Variants in IQCM observed in about 807,000 individuals in gnomAD.
IQCM encodes the protein IQ domain-containing protein M.
IQCM carries 45 observed loss-of-function variants against 57.6 expected under a neutral mutation model. The observed-to-expected ratio is 0.78, with a 90% CI of 0.62 to 1.00. The LOEUF is 1.00. IQCM is among the 50% of genes least tolerant of loss of function. IQCM has a pLI of 0.00. For synonymous variants in IQCM, 148 were observed against 158.9 expected (o/e 0.93, Z 0.51); for missense variants, 468 against 511.6 (o/e 0.91, Z 0.82).
At chr4:149,594,338 C>A (rs1056117172) in intron 8 of IQCM, among the ~76,000 whole-genome samples, 9 of 151,828 alleles carry the variant, frequency 5.9e-5, no homozygotes, top group African/African-American at 2.2e-4. Flanking sequence ...CTACTTTATT[C>A]TTCTCTCTTT....
At chr4:149,450,815 A>C (rs1251614326) in intron 12 of IQCM, among the ~76,000 whole-genome samples, 1 of 151,814 alleles carries the variant, frequency 6.6e-6, no homozygotes, top group Non-Finnish European at 1.5e-5. Context: ...TCCTCAAAAA[A>C]ACTAAAAATA....
chr4:149,480,500 G>A (rs955512324), intron 12 of IQCM, among the ~76,000 whole-genome samples: 1 of 148,502 alleles, frequency 6.7e-6, no homozygotes, highest in African/African-American at 2.4e-5. Context: ...CCATAAATAA[G>A]TGAGAACACG....
chr4:149,399,834 C>G (rs557647956), intron 13 of IQCM, among the ~76,000 whole-genome samples: 1 of 152,086 alleles, frequency 6.6e-6, no homozygotes, highest in Non-Finnish European at 1.5e-5. Context: ...GTGCTTAGCA[C>G]AGTGCCTAAA....
At chr4:149,725,742 T>A (rs943618513) in intron 5 of IQCM, among the ~76,000 whole-genome samples, 3 of 152,078 alleles carry the variant, frequency 2.0e-5, no homozygotes, top group African/African-American at 7.2e-5. Context: ...CCCTCAGAAC[T>A]AGTCTTCTCA....
At chr4:149,399,140 T>A (rs1732438656) in intron 13 of IQCM, among the ~76,000 whole-genome samples, 1 of 152,118 alleles carries the variant, frequency 6.6e-6, no homozygotes, top group African/African-American at 2.4e-5. Context: ...TACTTATGAA[T>A]AGAGTAACAT....
intron 9 of IQCM, among the ~76,000 whole-genome samples, chr4:149,587,463 C>T (rs1752746152): frequency 6.6e-6 from 1 of 151,592 alleles, no homozygotes; most frequent in African/African-American, 2.4e-5. Flanking sequence ...TCAATGTTTT[C>T]AAAACAGTTT....
chr4:149,474,955 G>T (rs979694253), intron 12 of IQCM, among the ~76,000 whole-genome samples: 7 of 152,092 alleles, frequency 4.6e-5, no homozygotes, highest in African/African-American at 1.7e-4. Context: ...AGTCAGAGTG[G>T]TTTGGGGGCC....
intron 12 of IQCM, among the ~76,000 whole-genome samples, chr4:149,534,491 A>T (rs1747083065): frequency 6.6e-6 from 1 of 152,126 alleles, no homozygotes; most frequent in African/African-American, 2.4e-5. Flanking sequence ...TATGAAAATC[A>T]TGTCCTCTAT....
At chr4:149,661,244 T>G (rs749383947) in intron 7 of IQCM, among the ~76,000 whole-genome samples, 11 of 152,190 alleles carry the variant, frequency 7.2e-5, no homozygotes, top group Non-Finnish European at 1.6e-4. Flanking sequence ...TTTCTGTTAA[T>G]GTGGTATATC....
chr4:149,734,788 CTT>C (rs1230346747), intron 4 of IQCM, among the ~76,000 whole-genome samples: 1 of 152,068 alleles, frequency 6.6e-6, no homozygotes, highest in Non-Finnish European at 1.5e-5. Context: ...TCCTCTGTCT[CTT>C]TGTTATCCCT....
intron 12 of IQCM, among the ~76,000 whole-genome samples, chr4:149,493,523 A>T (rs1352575590): frequency 6.6e-6 from 1 of 152,066 alleles, no homozygotes; most frequent in Non-Finnish European, 1.5e-5. Flanking sequence ...TTATCTCCCC[A>T]AAATATATAT....
At chr4:149,615,721 A>G (rs758699847) in intron 8 of IQCM, among the ~76,000 whole-genome samples, 1 of 152,228 alleles carries the variant, frequency 6.6e-6, no homozygotes, top group South Asian at 2.1e-4. Flanking sequence ...TAAAATTTTG[A>G]TAAGACTAAC....
chr4:149,403,718 G>C (rs1732781423), intron 13 of IQCM, among the ~76,000 whole-genome samples: 1 of 151,922 alleles, frequency 6.6e-6, no homozygotes, highest in Admixed American at 6.6e-5. Context: ...GAGGAAAAAG[G>C]AACAGCTTCG....
intron 13 of IQCM, among the ~76,000 whole-genome samples, chr4:149,355,446 A>G (rs1016801714): frequency 8.0e-6 from 1 of 125,248 alleles, no homozygotes; most frequent in East Asian, 2.5e-4. Flanking sequence ...TCCTGTGTCT[A>G]TGTGTTCTCA....
intron 13 of IQCM, among the ~76,000 whole-genome samples, chr4:149,363,520 G>A (rs907982962): frequency 5.9e-5 from 9 of 152,150 alleles, no homozygotes; most frequent in Non-Finnish European, 8.8e-5. Context: ...ATATATATAT[G>A]TATGTGGTTA....
intron 2 of IQCM, among the ~76,000 whole-genome samples, chr4:149,755,272 C>T (rs916009606): frequency 2.0e-5 from 3 of 152,142 alleles, no homozygotes; most frequent in Admixed American, 1.3e-4. Flanking sequence ...ACAACATCCT[C>T]CATTCAAAAG....
chr4:149,671,977 C>T (rs1249927366), intron 7 of IQCM, among the ~76,000 whole-genome samples: 2 of 152,116 alleles, frequency 1.3e-5, no homozygotes, highest in Non-Finnish European at 2.9e-5. Flanking sequence ...ATTTGCTGTT[C>T]TACACCTCCG....
In IQCM at chr4:149,615,427, C is replaced by T. The variant is rs554436310; in HGVS notation, c.681+5702G>A. Among the ~76,000 whole-genome samples, 52 of 152,224 alleles carry T rather than the reference C, an allele frequency of 3.4e-4. No homozygotes were observed. The Middle Eastern group carries it at 0.014, about 40-fold the overall frequency. On this transcript the variant is annotated intron_variant, in intron 8 of 13. Coordinates refer to ENST00000636793, the MANE Select transcript of IQCM (RefSeq NM_001363507.2). Reference sequence around the variant, plus strand: ...TAAAAAGTAATACTAGAAACTGTTTCTTCAGGATGCAGTTTTTAAAATTTT... The same window carrying T: ...TAAAAAGTAATACTAGAAACTGTTTTTTCAGGATGCAGTTTTTAAAATTTT...
chr4:149,667,904 C>G (rs1760881971), intron 7 of IQCM, among the ~76,000 whole-genome samples: 1 of 151,882 alleles, frequency 6.6e-6, no homozygotes, highest in Non-Finnish European at 1.5e-5. Context: ...ACAAAAAAAG[C>G]TTCCAAGAAA....
Sources: allele counts gnomAD v4.1 joint callset (sites outside exome capture counted in the v4.1 genomes callset), GRCh38; gene constraint gnomAD v4.1.1; transcripts MANE v1.5; gene names NCBI Gene and HGNC (gene_info 2026-07-23, HGNC 2026-07-21).